XYLT1: variants seen among roughly 807,000 people sequenced by gnomAD.
XYLT1 encodes beta-D-xylosyltransferase 1.
XYLT1 carries 36 observed loss-of-function variants against 91.3 expected under a neutral mutation model. The observed-to-expected ratio is 0.39, with a 90% CI of 0.30 to 0.52. The LOEUF is 0.52. Among genes scored for constraint, XYLT1 ranks in the 20% least tolerant of loss-of-function variants. The probability of loss-of-function intolerance (pLI) is 0.68; values close to 1 mark genes in which losing one functional copy is unlikely to be tolerated. For synonymous variants in XYLT1, 588 were observed against 532.0 expected, an observed-to-expected ratio of 1.11 and a Z score of -1.45; for missense variants, 1,242 against 1,284.5, an observed-to-expected ratio of 0.97 and a Z score of 0.51.
chr16:17,426,137 TA>T (rs1325063883), intron 1 of XYLT1, among the ~76,000 whole-genome samples: 7 of 152,168 alleles, frequency 4.6e-5, no homozygotes, highest in South Asian at 2.1e-4. Context: ...GATACCACAT[TA>T]AAGAAGAAGA....
At chr16:17,436,176 C>T (rs1445995907) in intron 1 of XYLT1, among the ~76,000 whole-genome samples, 2 of 152,186 alleles carry the variant, frequency 1.3e-5, no homozygotes, top group African/African-American at 4.8e-5. Flanking sequence ...TGTGCGGCCT[C>T]CCCAGCCATG....
Position 17,404,040 on chromosome 16 carries a change from C to T in XYLT1, c.364-45990G>A, listed in dbSNP as rs147533551. Among the ~76,000 whole-genome samples the T allele has an allele frequency of 4.2e-4, 64 of 152,118 alleles. No individual in the cohort carries two copies. The East Asian group carries it at 0.011, about 26-fold the overall frequency. On this transcript the variant is annotated intron_variant, in intron 1 of 11. Coordinates refer to ENST00000261381, the MANE Select transcript of XYLT1 (RefSeq NM_022166.4). ...ATTATTTAAACCCCTCCTGGGAAAC[C>T]GCAGCAACGTCAGACAGATTCAATG...
intron 5 of XYLT1, among the ~76,000 whole-genome samples, chr16:17,186,921 G>A (rs151327549): frequency 5.9e-5 from 9 of 152,260 alleles, no homozygotes; most frequent in African/African-American, 1.9e-4. Flanking sequence ...GGATGAACAC[G>A]GAGAGATGTC....
rs763220023 is a variant in XYLT1 at position 17,259,134 on chromosome 16, T to C, written c.767A>G (p.Lys256Arg). 3.8e-6 allele frequency: 6 copies of C among 1,588,342 alleles called. No individual in the cohort carries two copies. The East Asian group carries it at 1.1e-4, about 30-fold the overall frequency. The change falls in exon 3 of 12, where the codon AAG (lysine) becomes AGG (arginine). Residue 256 changes from lysine to arginine, a missense_variant. This residue lies in a region of XYLT1 where 437 missense variants were observed against 411.5 expected (regional missense o/e 1.06). Transcript: ENST00000261381. Reference protein sequence around the residue: ...SPETKYDQPPKCDISGKEAIS... With the variant: ...SPETKYDQPPRCDISGKEAIS... ...GGCCTCCTTGCCTGAGATGTCACAC[T>C]TAGGGGGCTGGTCATACTTGGTCTC...
At position 17,253,859 on chromosome 16, in the gene XYLT1, A is replaced by AGAGAGAGAGAGAGAGAGAGC. The variant is rs1555491314; in HGVS notation, c.913+5128_913+5129insGCTCTCTCTCTCTCTCTCTC. Among the ~76,000 whole-genome samples, 54 of 146,250 alleles carry AGAGAGAGAGAGAGAGAGAGC rather than the reference A, an allele frequency of 3.7e-4. 1 individual carries two copies. Among genetic ancestry groups the AGAGAGAGAGAGAGAGAGAGC allele is most frequent in the African/African-American group, 1.4e-3 (53 of 39,058 alleles). On this transcript the variant is annotated intron_variant, in intron 3 of 11. Transcript: ENST00000261381. ...GAGAGAGAGAGAGAGAGAGAGAGAG[A>AGAGAGAGAGAGAGAGAGAGC]GAGCGAGCCTGCAGGTGGAAGAACA...
chr16:17,231,331 TCA>T (rs1432826854), intron 3 of XYLT1, among the ~76,000 whole-genome samples: 1 of 152,192 alleles, frequency 6.6e-6, no homozygotes, highest in African/African-American at 2.4e-5. Flanking sequence ...CCTAAGCACT[TCA>T]CACATCCTAC....
chr16:17,317,044 G>C (rs967362823), intron 2 of XYLT1, among the ~76,000 whole-genome samples: 1 of 150,350 alleles, frequency 6.7e-6, no homozygotes. Context: ...GGATGGTCTC[G>C]ATCTCCTGAC....
intron 1 of XYLT1, among the ~76,000 whole-genome samples, chr16:17,374,902 G>A (rs1399990879): frequency 6.6e-6 from 1 of 152,142 alleles, no homozygotes; most frequent in Non-Finnish European, 1.5e-5. Context: ...CCTACAATGT[G>A]CTAGGTGCTA....
At chr16:17,295,806 C>T (rs969975966) in intron 2 of XYLT1, among the ~76,000 whole-genome samples, 2 of 152,154 alleles carry the variant, frequency 1.3e-5, no homozygotes, top group African/African-American at 4.8e-5. Flanking sequence ...TCCTGTAATG[C>T]ACAGGACGAC....
chr16:17,284,254 A>T (rs1165005436), intron 2 of XYLT1, among the ~76,000 whole-genome samples: 2 of 152,178 alleles, frequency 1.3e-5, no homozygotes, highest in Non-Finnish European at 2.9e-5. Context: ...AGGAGCAGCT[A>T]CTATTTTTTT....
chr16:17,415,987 C>A (rs145529975), intron 1 of XYLT1, among the ~76,000 whole-genome samples: 56 of 152,256 alleles, frequency 3.7e-4, no homozygotes, highest in Non-Finnish European at 7.1e-4. Flanking sequence ...TGAGGAACTA[C>A]CAGAAAGTCA....
intron 1 of XYLT1, among the ~76,000 whole-genome samples, chr16:17,400,629 GAGGAAGGA>G (rs139881259): frequency 0.042 from 5,621 of 132,658 alleles, 195 homozygotes; most frequent in African/African-American, 0.073. Flanking sequence ...GGGAGGAAGG[GAGGAAGGA>G]AGGAAGGAAG....
At chr16:17,403,540 T>G (rs1415804701) in intron 1 of XYLT1, 1 of 152,224 alleles carries the variant, frequency 6.6e-6, no homozygotes, top group African/African-American at 2.4e-5. Flanking sequence ...AGAGCTTGTG[T>G]AGGGAAACTC....
intron 1 of XYLT1, among the ~76,000 whole-genome samples, chr16:17,371,059 G>A (rs1233073412): frequency 6.6e-6 from 1 of 152,164 alleles, no homozygotes; most frequent in East Asian, 1.9e-4. Context: ...GAGAAGGACG[G>A]GATATGAACC....
At chr16:17,324,612 A>G (rs1156317680) in intron 2 of XYLT1, among the ~76,000 whole-genome samples, 1 of 152,256 alleles carries the variant, frequency 6.6e-6, no homozygotes, top group African/African-American at 2.4e-5. Context: ...CTTCGTGCAC[A>G]CAGTGAGAAA....
intron 5 of XYLT1, among the ~76,000 whole-genome samples, chr16:17,180,797 C>T (rs1338951538): frequency 6.6e-6 from 1 of 152,160 alleles, no homozygotes; most frequent in African/African-American, 2.4e-5. Context: ...CCTGCTTCAC[C>T]TAAGCTGAGT....
intron 9 of XYLT1, among the ~76,000 whole-genome samples, chr16:17,131,294 T>C (rs537077099): frequency 6.6e-5 from 10 of 152,242 alleles, no homozygotes; most frequent in Non-Finnish European, 1.3e-4. Context: ...AAACTGTTAA[T>C]GTCTCAAAAC....
chr16:17,184,315 A>G (rs7202043), intron 5 of XYLT1, among the ~76,000 whole-genome samples: 64,722 of 151,402 alleles, frequency 0.43, 15,196 homozygotes, highest in South Asian at 0.66. Context: ...GAATTGTGAG[A>G]TCTGGAGAGG....
Position 17,438,202 on chromosome 16 carries a change from G to A in XYLT1, c.363+32232C>T, listed in dbSNP as rs1170896736. Among the ~76,000 whole-genome samples, 7 of 152,168 alleles carry A rather than the reference G, an allele frequency of 4.6e-5. 1 individual carries two copies. The South Asian group carries it at 1.0e-3, about 23-fold the overall frequency. On this transcript the variant is annotated intron_variant, in intron 1 of 11. Transcript: ENST00000261381. ...AGATGAGATCAGGCATCTGTGAGACGAACCTAATCGCAGAGGAAAACAGGA... is the reference window on the plus strand; with the variant it reads ...AGATGAGATCAGGCATCTGTGAGACAAACCTAATCGCAGAGGAAAACAGGA...
Sources: allele counts gnomAD v4.1 joint callset (sites outside exome capture counted in the v4.1 genomes callset), GRCh38; gene constraint gnomAD v4.1.1; regional missense constraint gnomAD v4.1.1; transcripts MANE v1.5; gene names NCBI Gene and HGNC (gene_info 2026-07-23, HGNC 2026-07-21).